The following HOOK3 variants were observed in gnomAD, a reference collection of about 807,000 sequenced individuals.
HOOK3 encodes hook microtubule tethering protein 3.
A neutral mutation model predicts 116.3 loss-of-function variants in HOOK3; 24 were observed. The observed-to-expected ratio is 0.21, with a 90% CI of 0.15 to 0.29. The LOEUF is 0.29. HOOK3 is among the 10% of genes least tolerant of loss of function. The pLI, the probability that HOOK3 is intolerant of heterozygous loss-of-function variation, is 1.00. For missense variants in HOOK3, 632 were observed against 830.2 expected, an observed-to-expected ratio of 0.76 and a Z score of 2.93; for synonymous variants, 275 against 283.0, an observed-to-expected ratio of 0.97 and a Z score of 0.28.
chr8:42,915,047 G>A (rs902383072), intron 2 of HOOK3, among the ~76,000 whole-genome samples: 2 of 152,118 alleles, frequency 1.3e-5, no homozygotes, highest in Non-Finnish European at 2.9e-5. Context: ...TAGATACTAG[G>A]GAAGTTTAAT....
At chr8:42,904,110 C>G (rs538154702) in intron 1 of HOOK3, among the ~76,000 whole-genome samples, 1 of 152,218 alleles carries the variant, frequency 6.6e-6, no homozygotes, top group East Asian at 1.9e-4. Context: ...CACTTTTTGA[C>G]CTAGCAGTTT....
intron 4 of HOOK3, among the ~76,000 whole-genome samples, chr8:42,931,449 T>TG (rs1491335728): frequency 9.7e-5 from 14 of 144,814 alleles, no homozygotes; most frequent in African/African-American, 3.6e-4. Context: ...TTTTTTTTTT[T>TG]GAGACGGAGT....
At position 42,964,477 on chromosome 8, in the gene HOOK3, A is replaced by G; in HGVS notation, c.779+3A>G. 1 of 1,607,424 alleles carries G rather than the reference A, an allele frequency of 6.2e-7. No homozygotes were observed. The highest frequency in any genetic ancestry group is 8.5e-7 in the Non-Finnish European group (1 of 1,178,360). The stretch of plus-strand genomic sequence containing the variant: ...CAGCTCCAAGAAGAAACATTCAGGT[A>G]AAAGACAACTCATTAAAATCTGATT... On this transcript the variant is annotated splice_donor_region_variant and intron_variant, in intron 9 of 21. Coordinates refer to ENST00000307602, the MANE Select transcript of HOOK3 (RefSeq NM_032410.4).
chr8:42,916,030 C>T (rs75500002), intron 2 of HOOK3, among the ~76,000 whole-genome samples: 18 of 152,162 alleles, frequency 1.2e-4, no homozygotes, highest in Admixed American at 6.5e-4. Context: ...CTCCCTGGCT[C>T]ATCCCAGGCC....
intron 4 of HOOK3, among the ~76,000 whole-genome samples, chr8:42,941,407 A>G (rs1292405597): frequency 6.6e-6 from 1 of 150,512 alleles, no homozygotes; most frequent in Non-Finnish European, 1.5e-5. Context: ...AGTCCCAGCT[A>G]CTCGGGAGGC....
chr8:42,948,555 C>T (rs1808278956), intron 5 of HOOK3, among the ~76,000 whole-genome samples: 1 of 152,138 alleles, frequency 6.6e-6, no homozygotes, highest in Non-Finnish European at 1.5e-5. Context: ...CTGTTATTTC[C>T]TTCACTTTCA....
At position 43,006,245 on chromosome 8, in the gene HOOK3, C is replaced by T. The variant is rs562627980; in HGVS notation, c.1656-1602C>T. ...CCGTGTTAGCCAGGATGGTCTTGTTCTCCTGACCTCGTGATCCGCCTGCCT... is the reference window on the plus strand; with the variant it reads ...CCGTGTTAGCCAGGATGGTCTTGTTTTCCTGACCTCGTGATCCGCCTGCCT... On this transcript the variant is annotated intron_variant, in intron 17 of 21. Transcript: ENST00000307602. Among the ~76,000 whole-genome samples, 29 of 141,332 alleles carry T rather than the reference C, an allele frequency of 2.1e-4. No individual in the cohort carries two copies. The East Asian group carries it at 5.1e-3, about 25-fold the overall frequency. 92.7% of individuals were successfully genotyped at this position (141,332 alleles called of 152,430 possible).
rs1479226843 is a variant in HOOK3, at chr8:43,019,484, T to G, written c.*986T>G. 2 of 206,776 alleles carry G rather than the reference T, an allele frequency of 9.7e-6. No individual in the cohort carries two copies. Among genetic ancestry groups the G allele is most frequent in the Non-Finnish European group, 2.0e-5 (2 of 101,556 alleles). 12.8% of individuals were successfully genotyped at this position (206,776 alleles called of 1,614,324 possible). A position where few individuals can be genotyped will look rare whatever the true frequency, so the allele number is the denominator to read the frequency against. The stretch of plus-strand genomic sequence containing the variant: ...CCATTTTTTAACAATTCCTAACACT[T>G]GATATCTTAATATCAGTCACTAACA... On this transcript the variant is annotated 3_prime_UTR_variant, in exon 22 of 22. Coordinates refer to ENST00000307602, the MANE Select transcript of HOOK3 (RefSeq NM_032410.4).
chr8:42,903,350 T>TTTTTTTTTTTTTTTTTTTTTTTTC (rs1563287035), intron 1 of HOOK3, among the ~76,000 whole-genome samples: 3 of 143,532 alleles, frequency 2.1e-5, no homozygotes, highest in African/African-American at 7.9e-5. Context: ...TTTTTTTTTT[T>TTTTTTTTTTTTTTTTTTTTTTTTC]TTTTTTTTTT....
In HOOK3 at chr8:43,018,398, C is replaced by G; in HGVS notation, c.2057C>G (p.Ala686Gly). ...LHKKAAEDRL[A>G]STGSGQSFLA... is the part of the protein sequence containing the mutation. ...AAAAAGGCAGCTGAAGATAGACTGG[C>G]AAGCACAGGCTCAGGGCAGTCATTT... The change falls in exon 22 of 22, where the codon GCA (alanine) becomes GGA (glycine). Residue 686 changes from alanine (A) to glycine (G), a missense_variant. By Grantham distance (60) the Ala-to-Gly change is moderately conservative. Transcript: ENST00000307602. The G allele has an allele frequency of 6.2e-7, 1 of 1,612,666 alleles. No individual in the cohort carries two copies. The highest frequency in any genetic ancestry group is 1.3e-5 in the African/African-American group (1 of 74,962).
At chr8:42,908,407 A>T (rs936368953) in intron 2 of HOOK3, among the ~76,000 whole-genome samples, 2 of 152,256 alleles carry the variant, frequency 1.3e-5, no homozygotes, top group Non-Finnish European at 2.9e-5. Flanking sequence ...ACCCGATTTT[A>T]AACTCTGTTG....
intron 15 of HOOK3, among the ~76,000 whole-genome samples, chr8:42,996,969 C>T (rs750905588): frequency 7.2e-6 from 1 of 138,210 alleles, no homozygotes; most frequent in Non-Finnish European, 1.5e-5. Flanking sequence ...TGCAGTGGCA[C>T]GAACACAGCT....
rs1809975946 is a variant in HOOK3, at chr8:43,028,691, A to G, written c.*10193A>G. The G allele has an allele frequency of 5.2e-6, 1 of 194,144 alleles. No individual in the cohort carries two copies. Among genetic ancestry groups the G allele is most frequent in the Non-Finnish European group, 1.1e-5 (1 of 93,244 alleles). The allele number at this position is 194,144 out of a possible 1,614,324, so 12.0% of individuals were successfully genotyped here. On this transcript the variant is annotated 3_prime_UTR_variant, in exon 22 of 22. Transcript: ENST00000307602. ...CTAATGAAAACATTTAAAAATATGT[A>G]TTAATTTACTTGGCCTGCTACTAAA... is the stretch of plus-strand genomic sequence containing the variant.
chr8:42,939,924 T>C (rs1236974360), intron 4 of HOOK3, among the ~76,000 whole-genome samples: 2 of 138,484 alleles, frequency 1.4e-5, no homozygotes, highest in African/African-American at 5.5e-5. Flanking sequence ...CTAGATGGGA[T>C]GGCGGCCGGG....
At chr8:42,981,016 G>A (rs796959567) in intron 13 of HOOK3, among the ~76,000 whole-genome samples, 8 of 151,830 alleles carry the variant, frequency 5.3e-5, no homozygotes, top group African/African-American at 1.9e-4. Flanking sequence ...TGCCCCTTCA[G>A]TCTTGGACTT....
At chr8:43,004,440 G>C (rs1392455528) in intron 17 of HOOK3, among the ~76,000 whole-genome samples, 1 of 150,970 alleles carries the variant, frequency 6.6e-6, no homozygotes, top group African/African-American at 2.4e-5. Flanking sequence ...CAGCACTTTG[G>C]GAGGCCGAGG....
intron 2 of HOOK3, among the ~76,000 whole-genome samples, chr8:42,912,990 G>A (rs1335060624): frequency 6.6e-6 from 1 of 152,052 alleles, no homozygotes; most frequent in Non-Finnish European, 1.5e-5. Flanking sequence ...TCATATAGTT[G>A]GAACCATACA....
intron 15 of HOOK3, 75 bp downstream of exon 15, chr8:42,986,870 G>C: frequency 2.7e-6 from 4 of 1,476,796 alleles, no homozygotes; most frequent in South Asian, 1.2e-5. Flanking sequence ...CTTAAACAAA[G>C]AACTGGCAGG....
intron 8 of HOOK3, among the ~76,000 whole-genome samples, chr8:42,959,869 A>T (rs904094747): frequency 4.6e-5 from 7 of 152,188 alleles, no homozygotes; most frequent in African/African-American, 1.4e-4. Flanking sequence ...ATAGTTGGCC[A>T]TGTTTTGATA....
Sources: allele counts gnomAD v4.1 joint callset (sites outside exome capture counted in the v4.1 genomes callset), GRCh38; gene constraint gnomAD v4.1.1; transcripts MANE v1.5; gene names NCBI Gene and HGNC (gene_info 2026-07-23, HGNC 2026-07-21).